The following KMT2C variants were observed in gnomAD, a reference collection of about 807,000 sequenced individuals.
KMT2C encodes lysine methyltransferase 2C.
KMT2C carries 88 observed loss-of-function variants against 507.9 expected under a neutral mutation model. That is an observed-to-expected ratio of 0.17 (90% CI 0.15 to 0.21). The LOEUF (loss-of-function observed/expected upper bound fraction) is 0.21. KMT2C is among the 10% of genes least tolerant of loss of function. The probability of loss-of-function intolerance (pLI) is 1.00; values close to 1 mark genes in which losing one functional copy is unlikely to be tolerated. For synonymous variants in KMT2C, 2,049 were observed against 2,080.8 expected, an observed-to-expected ratio of 0.98 and a Z score of 0.42; for missense variants, 4,954 against 5,957.8, an observed-to-expected ratio of 0.83 and a Z score of 5.55.
In KMT2C at chr7:152,296,445, AAGAG is replaced by A. The variant is rs367694956; in HGVS notation, c.849+13517_849+13520del. ...GAAACTCCATCTCAAAAAAAAAAAA[AAGAG>A]AGAGAGAGAGAGAGAGAAATATGCT... On this transcript the variant is annotated intron_variant, in intron 6 of 58. Transcript: ENST00000262189. Among the ~76,000 whole-genome samples, 544 of 149,568 alleles carry A rather than the reference AAGAG, an allele frequency of 3.6e-3. 10 individuals carry two copies. In the East Asian group the frequency reaches 0.065, roughly 18 times the overall value.
Position 152,171,245 on chromosome 7 carries a change from T to G in KMT2C, c.9453+19A>C. The G allele has an allele frequency of 6.4e-7, 1 of 1,556,368 alleles. No homozygotes were observed. The highest frequency in any genetic ancestry group is 2.3e-5 in the East Asian group (1 of 43,978). ...AGAAAAGCGTGCATTCTAGAGGGAC[T>G]CATTACAGGCAGTGTTACCTGAGGA... On this transcript the variant is annotated intron_variant, in intron 40 of 58. Coordinates refer to ENST00000262189, the MANE Select transcript of KMT2C (RefSeq NM_170606.3).
chr7:152,160,518 C>T (rs563253300), intron 43 of KMT2C, among the ~76,000 whole-genome samples: 3 of 151,834 alleles, frequency 2.0e-5, no homozygotes, highest in Non-Finnish European at 4.4e-5. Context: ...AGGTGTGTGG[C>T]GGGAGATTCT....
At chr7:152,281,446 T>C (rs1185059490) in intron 6 of KMT2C, among the ~76,000 whole-genome samples, 2 of 152,164 alleles carry the variant, frequency 1.3e-5, no homozygotes, top group East Asian at 3.8e-4. Flanking sequence ...TTTATTCCCA[T>C]CTACGCCAGG....
At chr7:152,226,409 T>TTTAC (rs1376411527) in intron 18 of KMT2C, among the ~76,000 whole-genome samples, 1 of 151,892 alleles carries the variant, frequency 6.6e-6, no homozygotes, top group African/African-American at 2.4e-5. Context: ...ATTTTTGTAC[T>TTTAC]TTTAGTAGAG....
chr7:152,416,655 C>A (rs1484743487), intron 1 of KMT2C, among the ~76,000 whole-genome samples: 1 of 150,102 alleles, frequency 6.7e-6, no homozygotes. Flanking sequence ...TCTCAGGAGG[C>A]GGAGGTTGCA....
intron 2 of KMT2C, among the ~76,000 whole-genome samples, chr7:152,338,868 T>C (rs992563311): frequency 1.3e-5 from 2 of 152,218 alleles, no homozygotes; most frequent in African/African-American, 4.8e-5. Flanking sequence ...GATCACTTAC[T>C]GAATATAAAC....
In KMT2C at chr7:152,251,957, T is replaced by C. The variant is rs1350180923; in HGVS notation, c.1603A>G (p.Ile535Val). The C allele has an allele frequency of 1.2e-5, 19 of 1,608,572 alleles. No homozygotes were observed. The highest frequency in any genetic ancestry group is 1.7e-5 in the Admixed American group (1 of 59,154). Reference sequence around the variant, plus strand: ...AATTTACCTGTAGTGAGCTCAGCTATCTCCACTTCCTCACCTGGCTGTAAA... The same window carrying C: ...AATTTACCTGTAGTGAGCTCAGCTACCTCCACTTCCTCACCTGGCTGTAAA... ...DRLQPGEEVE[I>V]AELTTDYNNE... The change falls in exon 11 of 59, where the codon ATA becomes GTA. Residue 535 changes from isoleucine (I) to valine (V), a missense_variant. Ile to Val is a conservative substitution (Grantham distance 29). Coordinates refer to ENST00000262189, the MANE Select transcript of KMT2C (RefSeq NM_170606.3).
intron 1 of KMT2C, chr7:152,367,591 C>A: frequency 3.9e-6 from 5 of 1,281,202 alleles, no homozygotes; most frequent in Middle Eastern, 2.7e-4. Context: ...TCCAGAGTAT[C>A]CAGGTCCTTC....
At chr7:152,348,136 T>C (rs2097077396) in intron 2 of KMT2C, among the ~76,000 whole-genome samples, 1 of 152,220 alleles carries the variant, frequency 6.6e-6, no homozygotes, top group South Asian at 2.1e-4. Flanking sequence ...TGCTCAAGCT[T>C]ACACAAGAAG....
At chr7:152,248,886 A>G (rs1166426709) in intron 13 of KMT2C, among the ~76,000 whole-genome samples, 1 of 152,130 alleles carries the variant, frequency 6.6e-6, no homozygotes, top group Non-Finnish European at 1.5e-5. Context: ...AAGTTCTCAT[A>G]CTCATTTTTT....
In KMT2C at chr7:152,196,030, T is replaced by C. The variant is rs762467977; in HGVS notation, c.4274-19A>G. On this transcript the variant is annotated intron_variant, in intron 27 of 58. Coordinates refer to ENST00000262189, the MANE Select transcript of KMT2C (RefSeq NM_170606.3). ...GCAGGACCTAAATATAGTAAATATG[T>C]TTTTTAAAATTTCAGTATTTTCTCA... is the stretch of plus-strand genomic sequence containing the variant. 1.1e-5 allele frequency: 16 copies of C among 1,448,200 alleles called. No individual in the cohort carries two copies. Among genetic ancestry groups the C allele is most frequent in the Non-Finnish European group, 1.3e-5 (14 of 1,052,482 alleles). 89.7% of individuals were successfully genotyped at this position (1,448,200 alleles called of 1,614,324 possible). A position where few individuals can be genotyped will look rare whatever the true frequency, so the allele number is the denominator to read the frequency against.
At chr7:152,394,654 A>C (rs2097525993) in intron 1 of KMT2C, among the ~76,000 whole-genome samples, 1 of 152,132 alleles carries the variant, frequency 6.6e-6, no homozygotes, top group South Asian at 2.1e-4. Flanking sequence ...ACAATCTATA[A>C]ATTCTACCTA....
At chr7:152,301,517 AAAAAG>A (rs1000870509) in intron 6 of KMT2C, among the ~76,000 whole-genome samples, 2 of 151,840 alleles carry the variant, frequency 1.3e-5, no homozygotes, top group Non-Finnish European at 2.9e-5. Flanking sequence ...CAAAAAAATA[AAAAAG>A]AAAAGAAAAG....
At chr7:152,395,875 G>C (rs1156805855) in intron 1 of KMT2C, among the ~76,000 whole-genome samples, 1 of 152,162 alleles carries the variant, frequency 6.6e-6, no homozygotes, top group Non-Finnish European at 1.5e-5. Flanking sequence ...TTGAGTGCTA[G>C]ATAGGACTGC....
At chr7:152,353,115 CA>C (rs2097126564) in intron 2 of KMT2C, among the ~76,000 whole-genome samples, 1 of 152,150 alleles carries the variant, frequency 6.6e-6, no homozygotes, top group African/African-American at 2.4e-5. Context: ...TGGTAACAGC[CA>C]CCACCAACAA....
At chr7:152,279,781 C>A (rs2096167002) in intron 6 of KMT2C, among the ~76,000 whole-genome samples, 2 of 152,098 alleles carry the variant, frequency 1.3e-5, no homozygotes, top group Non-Finnish European at 2.9e-5. Context: ...TTCCTTTCTG[C>A]CACATTCTCC....
chr7:152,412,324 C>A (rs1274991198), intron 1 of KMT2C, among the ~76,000 whole-genome samples: 1 of 152,176 alleles, frequency 6.6e-6, no homozygotes, highest in African/African-American at 2.4e-5. Context: ...TGGCTTGAAC[C>A]CGGGAGGCGG....
rs2089878073 is a variant in KMT2C at position 152,136,421 on chromosome 7, AC to A, written c.*410del. 4.2e-6 allele frequency: 1 copy of A among 239,420 alleles called. No homozygotes were observed. Among genetic ancestry groups the A allele is most frequent in the African/African-American group, 2.2e-5 (1 of 45,118 alleles). 14.8% of individuals were successfully genotyped at this position (239,420 alleles called of 1,614,324 possible). On this transcript the variant is annotated 3_prime_UTR_variant, in exon 59 of 59. Coordinates refer to ENST00000262189, the MANE Select transcript of KMT2C (RefSeq NM_170606.3). ...CCCCCTCGCTGGTGATTTCAGTCTT[AC>A]ATTCATAGGAAGGCCCCTGCCCGGG...
At chr7:152,284,969 G>C (rs2096272845) in intron 6 of KMT2C, among the ~76,000 whole-genome samples, 1 of 152,100 alleles carries the variant, frequency 6.6e-6, no homozygotes, top group Non-Finnish European at 1.5e-5. Flanking sequence ...AAACGGAGAA[G>C]TATACAGACA....
Sources: allele counts gnomAD v4.1 joint callset (sites outside exome capture counted in the v4.1 genomes callset), GRCh38; gene constraint gnomAD v4.1.1; transcripts MANE v1.5; gene names NCBI Gene and HGNC (gene_info 2026-07-23, HGNC 2026-07-21).